DLG2: variants seen among roughly 807,000 people sequenced by gnomAD.
The protein encoded by DLG2 is disks large homolog 2.
In DLG2, 45 loss-of-function variants were observed where a neutral mutation model predicts 132.5. The observed-to-expected ratio is 0.34, with a 90% CI of 0.27 to 0.44. The LOEUF is 0.44. Among genes scored for constraint, DLG2 ranks in the 20% least tolerant of loss-of-function variants. DLG2 has a pLI of 1.00. For synonymous variants in DLG2, 424 were observed against 419.6 expected, an observed-to-expected ratio of 1.01 and a Z score of -0.13; for missense variants, 1,045 against 1,196.9, an observed-to-expected ratio of 0.87 and a Z score of 1.87.
intron 18 of DLG2, among the ~76,000 whole-genome samples, chr11:83,780,691 C>G (rs1373427425): frequency 6.6e-6 from 1 of 152,162 alleles, no homozygotes; most frequent in African/African-American, 2.4e-5. Context: ...TATGAATTTG[C>G]TTGATATTGG....
intron 6 of DLG2, among the ~76,000 whole-genome samples, chr11:84,603,763 T>C (rs1318943348): frequency 2.0e-5 from 3 of 152,020 alleles, no homozygotes; most frequent in African/African-American, 4.8e-5. Flanking sequence ...AGTCATTTTA[T>C]AAACATTTAT....
At chr11:84,675,694 C>T (rs1301569781) in intron 6 of DLG2, among the ~76,000 whole-genome samples, 5 of 152,058 alleles carry the variant, frequency 3.3e-5, no homozygotes, top group African/African-American at 9.7e-5. Context: ...TGACATTAGA[C>T]GGGACGGTAT....
chr11:84,203,143 A>G (rs2096618536), intron 8 of DLG2, among the ~76,000 whole-genome samples: 1 of 152,058 alleles, frequency 6.6e-6, no homozygotes, highest in East Asian at 1.9e-4. Flanking sequence ...AAAAAATTCT[A>G]TGATAAAATC....
intron 6 of DLG2, among the ~76,000 whole-genome samples, chr11:84,583,953 CT>C (rs1348606710): frequency 3.3e-5 from 5 of 151,804 alleles, no homozygotes; most frequent in Admixed American, 2.6e-4. Context: ...TTTTATTCTC[CT>C]GTTGATATAA....
At chr11:84,391,200 G>C (rs762901019) in intron 7 of DLG2, among the ~76,000 whole-genome samples, 6 of 152,134 alleles carry the variant, frequency 3.9e-5, no homozygotes, top group Admixed American at 1.3e-4. Context: ...CATTCATACA[G>C]GGAAAGCTCT....
chr11:83,606,119 T>G (rs1359057404), intron 19 of DLG2, among the ~76,000 whole-genome samples: 3 of 152,184 alleles, frequency 2.0e-5, no homozygotes, highest in Non-Finnish European at 4.4e-5. Flanking sequence ...AAAACATAAA[T>G]TATCTTTTCA....
chr11:84,162,389 A>T (rs956839879), intron 9 of DLG2, among the ~76,000 whole-genome samples: 1 of 151,784 alleles, frequency 6.6e-6, no homozygotes, highest in African/African-American at 2.4e-5. Flanking sequence ...CTTAATTTTT[A>T]ATTTAATAAT....
chr11:84,682,133 C>T (rs1414821631), intron 6 of DLG2, among the ~76,000 whole-genome samples: 1 of 152,140 alleles, frequency 6.6e-6, no homozygotes, highest in Non-Finnish European at 1.5e-5. Context: ...CAGGAGTGAT[C>T]TACCTCCATT....
At chr11:84,714,627 C>T (rs527396311) in intron 6 of DLG2, among the ~76,000 whole-genome samples, 7 of 107,288 alleles carry the variant, frequency 6.5e-5, no homozygotes, top group African/African-American at 2.5e-4. Context: ...TTCTCTTTCT[C>T]TCTCTCTCTC....
chr11:84,844,135 G>GTGTATATATA (rs1227140689), intron 6 of DLG2, among the ~76,000 whole-genome samples: 6 of 43,690 alleles, frequency 1.4e-4, no homozygotes, highest in African/African-American at 4.5e-4. Context: ...GTGTGTGTGT[G>GTGTATATATA]TATATATATA....
At chr11:84,271,075 T>G (rs1315022533) in intron 7 of DLG2, among the ~76,000 whole-genome samples, 2 of 152,134 alleles carry the variant, frequency 1.3e-5, no homozygotes, top group Non-Finnish European at 2.9e-5. Context: ...GTACCTTTTC[T>G]GCTGACAAAA....
intron 17 of DLG2, among the ~76,000 whole-genome samples, chr11:83,795,342 A>G (rs993351781): frequency 2.6e-5 from 4 of 152,090 alleles, no homozygotes; most frequent in African/African-American, 9.7e-5. Context: ...TGGGAGGCAG[A>G]GCTTGCAGTG....
chr11:83,915,820 T>A (rs790360), intron 15 of DLG2, among the ~76,000 whole-genome samples: 3 of 152,028 alleles, frequency 2.0e-5, no homozygotes, highest in Non-Finnish European at 4.4e-5. Flanking sequence ...ACCATCATGA[T>A]GGTCAACTTT....
intron 6 of DLG2, among the ~76,000 whole-genome samples, chr11:84,685,889 G>A (rs1204183668): frequency 3.3e-5 from 5 of 152,030 alleles, no homozygotes; most frequent in Non-Finnish European, 5.9e-5. Flanking sequence ...AGGTTTCACC[G>A]TATTAGCCAA....
At chr11:85,106,675 A>T (rs1269983856) in intron 6 of DLG2, among the ~76,000 whole-genome samples, 1 of 151,992 alleles carries the variant, frequency 6.6e-6, no homozygotes, top group East Asian at 1.9e-4. Context: ...TATTTCATGT[A>T]AATCTCAAAA....
intron 7 of DLG2, among the ~76,000 whole-genome samples, chr11:84,272,502 C>T (rs1359264504): frequency 6.6e-6 from 1 of 152,064 alleles, no homozygotes; most frequent in Non-Finnish European, 1.5e-5. Context: ...TACCTTATCT[C>T]GGCCTATCAA....
At chr11:84,067,626 C>T (rs1401634976) in intron 10 of DLG2, among the ~76,000 whole-genome samples, 1 of 151,750 alleles carries the variant, frequency 6.6e-6, no homozygotes, top group Non-Finnish European at 1.5e-5. Context: ...TAATGGCCTG[C>T]CATAATACAT....
intron 7 of DLG2, among the ~76,000 whole-genome samples, chr11:84,257,249 C>T (rs1222658583): frequency 1.3e-5 from 2 of 152,108 alleles, no homozygotes; most frequent in Non-Finnish European, 2.9e-5. Flanking sequence ...GAACGAAACT[C>T]TGTCTTTCCT....
chr11:83,734,846 AT>A (rs1182085365), intron 18 of DLG2, among the ~76,000 whole-genome samples: 1 of 152,016 alleles, frequency 6.6e-6, no homozygotes, highest in African/African-American at 2.4e-5. Context: ...TTGTTTAATT[AT>A]GTGTGCCTAT....
Sources: gnomAD v4.1 joint callset for allele counts (sites outside exome capture counted in the v4.1 genomes callset) on GRCh38, gnomAD v4.1.1 for gene constraint, MANE v1.5 for transcripts, NCBI Gene and HGNC (gene_info 2026-07-23, HGNC 2026-07-21) for gene names.